FGF12: variants seen among roughly 807,000 people sequenced by gnomAD.
FGF12 encodes fibroblast growth factor 12B.
In FGF12, 14 loss-of-function variants were observed where a neutral mutation model predicts 23.6. The ratio of observed to expected loss-of-function variants is 0.59; its 90% CI spans 0.39 to 0.93. The LOEUF (loss-of-function observed/expected upper bound fraction) is 0.93. Among genes scored for constraint, FGF12 ranks in the 40% least tolerant of loss-of-function variants. FGF12 has a pLI of 0.00. For missense variants in FGF12, 175 were observed against 217.8 expected (o/e 0.80, Z 1.24); for synonymous variants, 62 against 77.3 (o/e 0.80, Z 1.04).
chr3:192,338,919 A>C (rs1439761757), intron 3 of FGF12, among the ~76,000 whole-genome samples: 3 of 152,198 alleles, frequency 2.0e-5, no homozygotes, highest in African/African-American at 4.8e-5. Context: ...GAAGGAGAAA[A>C]GACTTCCCAG....
At chr3:192,365,299 C>T (rs200689551) in intron 2 of FGF12, among the ~76,000 whole-genome samples, 3 of 145,722 alleles carry the variant, frequency 2.1e-5, no homozygotes, top group Non-Finnish European at 3.0e-5. Flanking sequence ...TTGAAGAAAA[C>T]GAATGTCTAG....
intron 2 of FGF12, among the ~76,000 whole-genome samples, chr3:192,504,556 G>C (rs1258905398): frequency 1.3e-5 from 2 of 152,116 alleles, no homozygotes; most frequent in Non-Finnish European, 2.9e-5. Context: ...TGTTTGGTGA[G>C]ATCGGGGGGA....
chr3:192,646,782 G>A (rs1232802505), intron 2 of FGF12, among the ~76,000 whole-genome samples: 1 of 152,154 alleles, frequency 6.6e-6, no homozygotes, highest in African/African-American at 2.4e-5. Flanking sequence ...TCTGGAATTT[G>A]ATAATGGTGG....
At chr3:192,487,808 C>G (rs1458264663) in intron 2 of FGF12, among the ~76,000 whole-genome samples, 2 of 152,072 alleles carry the variant, frequency 1.3e-5, no homozygotes, top group African/African-American at 4.8e-5. Flanking sequence ...TTAGTCAAAT[C>G]ATGAAAACTA....
At chr3:192,486,718 G>A (rs966480219) in intron 2 of FGF12, among the ~76,000 whole-genome samples, 2 of 151,968 alleles carry the variant, frequency 1.3e-5, no homozygotes, top group Non-Finnish European at 2.9e-5. Context: ...ACATTGAGGA[G>A]TACAAGCAGT....
chr3:192,285,706 T>C lies in FGF12; in HGVS notation c.228+49655A>G, dbSNP rs143346432. Among the ~76,000 whole-genome samples, 396 of 152,206 alleles carry C rather than the reference T, an allele frequency of 2.6e-3. 2 individuals are homozygous for C. The highest frequency in any genetic ancestry group is 9.3e-3 in the African/African-American group (386 of 41,568). ...GGTGTTTATGCTGTGAACCACCTTT[T>C]AGGTCAAACTAAAATTATTTTCATG... is the stretch of plus-strand genomic sequence containing the variant. On this transcript the variant is annotated intron_variant, in intron 4 of 5. Transcript: ENST00000445105.
At chr3:192,504,071 A>C (rs1212404430) in intron 2 of FGF12, among the ~76,000 whole-genome samples, 3 of 152,084 alleles carry the variant, frequency 2.0e-5, no homozygotes, top group Admixed American at 1.3e-4. Flanking sequence ...CGTTATCCTA[A>C]GCGAACTAAC....
At chr3:192,587,667 A>C (rs1228850365) in intron 2 of FGF12, among the ~76,000 whole-genome samples, 1 of 151,624 alleles carries the variant, frequency 6.6e-6, no homozygotes, top group East Asian at 1.9e-4. Context: ...TTAATTTTTT[A>C]AAAATTTGCC....
intron 2 of FGF12, among the ~76,000 whole-genome samples, chr3:192,430,439 C>G (rs1012416307): frequency 3.3e-5 from 5 of 152,130 alleles, no homozygotes; most frequent in African/African-American, 1.2e-4. Flanking sequence ...AGATCCATTG[C>G]ACAGCGGTGT....
chr3:192,236,684 T>C (rs2108590302), intron 4 of FGF12, among the ~76,000 whole-genome samples: 1 of 152,150 alleles, frequency 6.6e-6, no homozygotes, highest in East Asian at 1.9e-4. Context: ...CTGCTCTTTC[T>C]TGCTCTCCCT....
intron 4 of FGF12, among the ~76,000 whole-genome samples, chr3:192,293,791 T>C (rs1453173283): frequency 1.3e-5 from 2 of 152,228 alleles, no homozygotes; most frequent in Non-Finnish European, 2.9e-5. Context: ...GTTTGGGTAG[T>C]TGTAGCCAAT....
intron 4 of FGF12, among the ~76,000 whole-genome samples, chr3:192,190,779 T>C (rs1388085106): frequency 1.3e-5 from 2 of 152,074 alleles, no homozygotes; most frequent in Admixed American, 1.3e-4. Context: ...CCGGCCCCAA[T>C]ACTCTTTTTG....
chr3:192,287,575 A>G (rs1187705801), intron 4 of FGF12, among the ~76,000 whole-genome samples: 2 of 152,060 alleles, frequency 1.3e-5, no homozygotes, highest in Non-Finnish European at 2.9e-5. Flanking sequence ...GCCAGCCAAA[A>G]TAGTAAAACC....
At chr3:192,622,775 T>C (rs1715019768) in intron 2 of FGF12, among the ~76,000 whole-genome samples, 1 of 152,092 alleles carries the variant, frequency 6.6e-6, no homozygotes, top group Non-Finnish European at 1.5e-5. Context: ...AGGACCCAAA[T>C]GCACACACAC....
chr3:192,565,560 C>T (rs1324935122), intron 2 of FGF12, among the ~76,000 whole-genome samples: 2 of 152,164 alleles, frequency 1.3e-5, no homozygotes, highest in African/African-American at 4.8e-5. Context: ...TAGTATTCAG[C>T]CCAGTAACAT....
intron 2 of FGF12, among the ~76,000 whole-genome samples, chr3:192,554,555 G>A (rs944260513): frequency 3.3e-5 from 5 of 152,184 alleles, no homozygotes; most frequent in Non-Finnish European, 7.3e-5. Flanking sequence ...TAGCTGGGCT[G>A]ATTGGTAAAG....
chr3:192,548,781 T>G (rs1725558757), intron 2 of FGF12, among the ~76,000 whole-genome samples: 1 of 152,138 alleles, frequency 6.6e-6, no homozygotes, highest in Non-Finnish European at 1.5e-5. Flanking sequence ...ACTGATATTT[T>G]TATTCATCTC....
chr3:192,325,862 AG>A (rs1274830359), intron 4 of FGF12, among the ~76,000 whole-genome samples: 1 of 152,192 alleles, frequency 6.6e-6, no homozygotes, highest in Non-Finnish European at 1.5e-5. Flanking sequence ...CAGCCTCAAT[AG>A]GGAAGCATGA....
intron 4 of FGF12, among the ~76,000 whole-genome samples, chr3:192,252,777 T>G (rs1258073530): frequency 3.3e-5 from 5 of 151,964 alleles, no homozygotes; most frequent in Non-Finnish European, 7.4e-5. Flanking sequence ...AAATAGTACT[T>G]AATTCACATA....
Sources: allele counts gnomAD v4.1 joint callset (sites outside exome capture counted in the v4.1 genomes callset), GRCh38; gene constraint gnomAD v4.1.1; transcripts MANE v1.5; gene names NCBI Gene and HGNC (gene_info 2026-07-23, HGNC 2026-07-21).